Variants in GBE1 observed in about 807,000 individuals in gnomAD.
GBE1 encodes 1,4-alpha-glucan-branching enzyme.
Under a neutral mutation model 88.8 loss-of-function variants are expected in GBE1, and 70 were observed. The observed-to-expected ratio is 0.79, with a 90% confidence interval of 0.65 to 0.96. The LOEUF is 0.96. GBE1 is among the 40% of genes least tolerant of loss of function. GBE1 has a pLI of 0.00. For synonymous variants in GBE1, 284 were observed against 300.1 expected, an observed-to-expected ratio of 0.95 and a Z score of 0.56; for missense variants, 872 against 871.0, an observed-to-expected ratio of 1.00 and a Z score of -0.01.
intron 7 of GBE1, among the ~76,000 whole-genome samples, chr3:81,602,192 C>T (rs1704041835): frequency 6.6e-6 from 1 of 152,120 alleles, no homozygotes; most frequent in East Asian, 1.9e-4. Flanking sequence ...TATTGGAAAT[C>T]ATCTTACATT....
At chr3:81,591,404 T>C (rs1703875691) in intron 8 of GBE1, among the ~76,000 whole-genome samples, 1 of 152,146 alleles carries the variant, frequency 6.6e-6, no homozygotes, top group Non-Finnish European at 1.5e-5. Context: ...CAAAGCACTT[T>C]AAAGATTTAA....
At chr3:81,505,893 G>T (rs576158415) in intron 14 of GBE1, among the ~76,000 whole-genome samples, 1 of 152,102 alleles carries the variant, frequency 6.6e-6, no homozygotes, top group East Asian at 1.9e-4. Context: ...ACTGAAACTG[G>T]ACCCTCCCTT....
At chr3:81,560,535 T>A (rs1356235507) in intron 12 of GBE1, among the ~76,000 whole-genome samples, 1 of 152,020 alleles carries the variant, frequency 6.6e-6, no homozygotes, top group Non-Finnish European at 1.5e-5. Context: ...ACATGATGTA[T>A]AAAAGATTAA....
At chr3:81,628,828 G>A (rs1403546589) in intron 7 of GBE1, among the ~76,000 whole-genome samples, 2 of 131,392 alleles carry the variant, frequency 1.5e-5, no homozygotes, top group African/African-American at 5.7e-5. Context: ...CTTAATCCCA[G>A]GATAACTAAA....
At chr3:81,554,184 G>T (rs981013311) in intron 12 of GBE1, among the ~76,000 whole-genome samples, 1 of 151,660 alleles carries the variant, frequency 6.6e-6, no homozygotes, top group African/African-American at 2.4e-5. Flanking sequence ...GGAAATGGTG[G>T]GGGGAAAAAA....
chr3:81,712,201 G>C (rs1247845268), intron 1 of GBE1, among the ~76,000 whole-genome samples: 2 of 152,198 alleles, frequency 1.3e-5, no homozygotes, highest in East Asian at 3.8e-4. Flanking sequence ...TACACTGTTG[G>C]TGGGACTGTA....
chr3:81,592,987 A>G (rs1703900245), intron 8 of GBE1, among the ~76,000 whole-genome samples: 1 of 152,096 alleles, frequency 6.6e-6, no homozygotes. Context: ...GTCACTTTTC[A>G]AGATTTACAG....
intron 15 of GBE1, among the ~76,000 whole-genome samples, chr3:81,495,407 T>A (rs1702489068): frequency 6.6e-6 from 1 of 151,992 alleles, no homozygotes; most frequent in Admixed American, 6.6e-5. Context: ...CAAACAAACA[T>A]CATTCAATGA....
chr3:81,749,725 T>C (rs1575777009), intron 1 of GBE1, among the ~76,000 whole-genome samples: 1 of 152,232 alleles, frequency 6.6e-6, no homozygotes, highest in East Asian at 1.9e-4. Context: ...GCAAACTTAG[T>C]GAAGGGTAGA....
chr3:81,539,889 G>T (rs1703122350), intron 12 of GBE1, among the ~76,000 whole-genome samples: 1 of 151,914 alleles, frequency 6.6e-6, no homozygotes, highest in Admixed American at 6.6e-5. Context: ...ATAAAAATAA[G>T]GTACTGAAAC....
chr3:81,568,337 G>A (rs984127897), intron 12 of GBE1, among the ~76,000 whole-genome samples: 3 of 152,024 alleles, frequency 2.0e-5, no homozygotes, highest in South Asian at 2.1e-4. Context: ...TAGTAGAGAC[G>A]GGGTTTCATC....
At chr3:81,626,716 A>G (rs1388631861) in intron 7 of GBE1, among the ~76,000 whole-genome samples, 1 of 147,114 alleles carries the variant, frequency 6.8e-6, no homozygotes, top group Non-Finnish European at 1.5e-5. Flanking sequence ...TCAAAACCCC[A>G]TAAGCCATGT....
chr3:81,524,811 C>T (rs1367579470), intron 14 of GBE1, among the ~76,000 whole-genome samples: 2 of 151,798 alleles, frequency 1.3e-5, no homozygotes, highest in African/African-American at 2.4e-5. Context: ...GTCACTATAG[C>T]TCTGTAGTAT....
At chr3:81,603,461 A>C (rs1471845377) in intron 7 of GBE1, among the ~76,000 whole-genome samples, 3 of 152,022 alleles carry the variant, frequency 2.0e-5, no homozygotes, top group Non-Finnish European at 4.4e-5. Context: ...AGGGTACCAG[A>C]TTATTTGATC....
intron 1 of GBE1, among the ~76,000 whole-genome samples, chr3:81,711,662 G>T (rs946687427): frequency 4.6e-5 from 7 of 152,122 alleles, no homozygotes; most frequent in Non-Finnish European, 8.8e-5. Context: ...ATTCAAAATG[G>T]ATTAAAGACT....
intron 7 of GBE1, among the ~76,000 whole-genome samples, chr3:81,633,951 T>C (rs929410358): frequency 6.6e-6 from 1 of 152,168 alleles, no homozygotes; most frequent in African/African-American, 2.4e-5. Context: ...CATTTTAACA[T>C]AGGGAGGTTT....
intron 7 of GBE1, among the ~76,000 whole-genome samples, chr3:81,623,232 C>T (rs1017477512): frequency 1.3e-5 from 2 of 152,186 alleles, no homozygotes; most frequent in African/African-American, 4.8e-5. Context: ...CTACATCTCC[C>T]TGGCCTTCCT....
chr3:81,544,260 T>C (rs1349363291), intron 12 of GBE1, among the ~76,000 whole-genome samples: 3 of 152,132 alleles, frequency 2.0e-5, no homozygotes, highest in Non-Finnish European at 2.9e-5. Context: ...AAAGTCACAT[T>C]TAAACTAACT....
chr3:81,705,539 T>C lies in GBE1; in HGVS notation c.218A>G (p.Tyr73Cys), dbSNP rs1457495909. Residue 73 changes from tyrosine (Y) to cysteine (C), a missense_variant, in exon 2 of 16, where the codon TAT (tyrosine) becomes TGT (cysteine). By Grantham distance (194) the Tyr-to-Cys change is radical. Transcript: ENST00000429644. ...ACATCTGTGGACGCCAAATGATTCA[T>C]AGCCTCTGGAAAACTTATCAATACC... The part of the protein sequence containing the change: ...EGGIDKFSRG[Y>C]ESFGVHRCAD... The C allele has an allele frequency of 5.0e-6, 8 of 1,598,654 alleles. No individual in the cohort carries two copies. Among genetic ancestry groups the C allele is most frequent in the South Asian group, 1.1e-5 (1 of 88,322 alleles).
Sources: gnomAD v4.1 joint callset for allele counts (sites outside exome capture counted in the v4.1 genomes callset) on GRCh38, gnomAD v4.1.1 for gene constraint, MANE v1.5 for transcripts, NCBI Gene and HGNC (gene_info 2026-07-23, HGNC 2026-07-21) for gene names.